SLCO1A2: variants seen among roughly 807,000 people sequenced by gnomAD.
The protein encoded by SLCO1A2 is solute carrier organic anion transporter family member 1A2.
A neutral mutation model predicts 69.0 loss-of-function variants in SLCO1A2; 67 were observed. The ratio of observed to expected loss-of-function variants is 0.97; its 90% CI spans 0.80 to 1.19. SLCO1A2 has a LOEUF of 1.19. Ranked by LOEUF, SLCO1A2 falls within the 50% of genes most tolerant of loss-of-function variation. The probability of loss-of-function intolerance (pLI) is 0.00; values close to 1 mark genes in which losing one functional copy is unlikely to be tolerated. For missense variants in SLCO1A2, 787 were observed against 793.7 expected (o/e 0.99, Z 0.10); for synonymous variants, 260 against 265.9 (o/e 0.98, Z 0.22).
chr12:21,400,092 C>G (rs1941636603), upstream of SLCO1A2, among the ~76,000 whole-genome samples: 1 of 151,784 alleles, frequency 6.6e-6, no homozygotes, highest in South Asian at 2.1e-4. Context: ...AACAGGCAAC[C>G]TACAAAATGG....
At chr12:21,293,788 T>C (rs1947283357) in intron 11 of SLCO1A2, among the ~76,000 whole-genome samples, 157 bp downstream of exon 11, 1 of 152,080 alleles carries the variant, frequency 6.6e-6, no homozygotes, top group Admixed American at 6.6e-5. Flanking sequence ...AAATAAAAGG[T>C]AATCAAGTGA....
At chr12:21,361,012 C>G (rs1938819503) in intron 2 of SLCO1A2, among the ~76,000 whole-genome samples, 1 of 152,220 alleles carries the variant, frequency 6.6e-6, no homozygotes, top group South Asian at 2.1e-4. Context: ...TTAAACATCC[C>G]TGTCTGACAG....
chr12:21,306,882 C>A lies in SLCO1A2; in HGVS notation c.442G>T (p.Glu148Ter), dbSNP rs1949476975. 1.9e-6 allele frequency: 3 copies of A among 1,610,056 alleles called. No individual in the cohort carries two copies. The highest frequency in any genetic ancestry group is 2.5e-6 in the Non-Finnish European group (3 of 1,176,644). The change falls in exon 5 of 15, where the codon GAG becomes TAG. Residue 148 changes from glutamate (E) to a stop codon, truncating the protein, a stop_gained and splice_region_variant. Transcript: ENST00000683939. LOFTEE classifies it high-confidence loss of function. ...QILRPTQDPS[E>*]CTKEVKSLMW... ...AAATCAATACAATGAAGTAGACAAC[C>A]TGATGGATCCTGCGTTGGTCTTAAA...
intron 2 of SLCO1A2, among the ~76,000 whole-genome samples, chr12:21,327,665 C>G (rs1952341387): frequency 6.6e-6 from 1 of 152,128 alleles, no homozygotes; most frequent in Non-Finnish European, 1.5e-5. Flanking sequence ...TGCATGGGGC[C>G]TCCATCTTCT....
chr12:21,292,176 A>G lies in SLCO1A2; in HGVS notation c.1598T>C (p.Met533Thr). ...AATAATTTTGTACCTCAAGAGAACC[A>G]TATATCCAGGTATGGCAGCCAAAGA... ...IYSLAAIPGY[M>T]VLLRCMKSEE... Residue 533 changes from methionine (M) to threonine (T), a missense_variant, in exon 12 of 15, where the codon ATG (methionine) becomes ACG (threonine). Transcript: ENST00000683939. The G allele has an allele frequency of 1.3e-6, 2 of 1,597,224 alleles. No individual in the cohort carries two copies. The highest frequency in any genetic ancestry group is 1.7e-6 in the Non-Finnish European group (2 of 1,171,782).
At chr12:21,293,566 A>AAT (rs550783098) in intron 11 of SLCO1A2, among the ~76,000 whole-genome samples, 4 of 104,808 alleles carry the variant, frequency 3.8e-5, no homozygotes, top group South Asian at 2.6e-4. Flanking sequence ...TACACAGAAA[A>AAT]ATATATATAT....
At chr12:21,340,381 A>G (rs1381901169) in intron 2 of SLCO1A2, among the ~76,000 whole-genome samples, 6 of 152,062 alleles carry the variant, frequency 3.9e-5, no homozygotes, top group Non-Finnish European at 8.8e-5. Flanking sequence ...TTTGTTACCA[A>G]TGCTTCAGCA....
chr12:21,366,524 C>T (rs11614319), intron 2 of SLCO1A2, among the ~76,000 whole-genome samples: 1 of 151,692 alleles, frequency 6.6e-6, no homozygotes, highest in Non-Finnish European at 1.5e-5. Flanking sequence ...TGCACATGTA[C>T]CCTAGAACCT....
chr12:21,411,867 G>A (rs1178774450), intron 1 of SLCO1A2, among the ~76,000 whole-genome samples: 2 of 151,668 alleles, frequency 1.3e-5, no homozygotes, highest in Non-Finnish European at 2.9e-5. Flanking sequence ...GCATTTTTTT[G>A]TAGAGACGGG....
chr12:21,375,812 G>C (rs1283158019), intron 1 of SLCO1A2, among the ~76,000 whole-genome samples: 1 of 152,168 alleles, frequency 6.6e-6, no homozygotes, highest in Non-Finnish European at 1.5e-5. Context: ...CTCTCTTAAA[G>C]TCAAGAATTT....
intron 3 of SLCO1A2, among the ~76,000 whole-genome samples, chr12:21,316,468 G>T (rs1950876974): frequency 1.3e-5 from 2 of 151,328 alleles, no homozygotes; most frequent in Non-Finnish European, 2.9e-5. Context: ...AAGATCATCA[G>T]TTATCTCCAT....
chr12:21,375,771 A>T (rs1168269621), intron 1 of SLCO1A2, among the ~76,000 whole-genome samples: 3 of 152,216 alleles, frequency 2.0e-5, no homozygotes, highest in African/African-American at 7.2e-5. Context: ...TTTAAGAGTT[A>T]TACTTTGGCT....
Position 21,282,039 on chromosome 12 carries a change from CAGAAG to C in SLCO1A2, c.1611-6620_1611-6616del, listed in dbSNP as rs766517911. On this transcript the variant is annotated intron_variant, in intron 12 of 14. Transcript: ENST00000683939. ...AATATACTCAAACTATTCTGAAAAA[CAGAAG>C]AGGAGAGAAGCCTTCCAAACTCATT... 3.3e-5 allele frequency among the ~76,000 whole-genome samples: 5 copies of C among 149,400 alleles called. No individual in the cohort carries two copies. The South Asian group carries it at 6.3e-4, about 19-fold the overall frequency.
chr12:21,365,569 CT>C (rs1474999344), intron 2 of SLCO1A2, among the ~76,000 whole-genome samples: 1 of 152,154 alleles, frequency 6.6e-6, no homozygotes, highest in Non-Finnish European at 1.5e-5. Context: ...AACTAAAGAG[CT>C]TCTGCACATC....
chr12:21,360,402 C>T (rs1938744480), intron 2 of SLCO1A2, among the ~76,000 whole-genome samples: 1 of 152,118 alleles, frequency 6.6e-6, no homozygotes, highest in African/African-American at 2.4e-5. Flanking sequence ...TTAAAGAAAG[C>T]TCCAATAAGA....
chr12:21,330,508 CA>C (rs960366154), intron 2 of SLCO1A2, among the ~76,000 whole-genome samples: 3 of 150,334 alleles, frequency 2.0e-5, no homozygotes, highest in Non-Finnish European at 4.4e-5. Context: ...GGCCCTGCCT[CA>C]AAAAAAATAA....
upstream of SLCO1A2, among the ~76,000 whole-genome samples, chr12:21,337,446 C>T (rs917594471): frequency 2.0e-5 from 3 of 151,730 alleles, no homozygotes; most frequent in Non-Finnish European, 2.9e-5. Flanking sequence ...TCTCTACTCT[C>T]AAATTAATGA....
intron 14 of SLCO1A2, among the ~76,000 whole-genome samples, chr12:21,273,783 T>A (rs1361367836): frequency 2.6e-5 from 4 of 152,186 alleles, no homozygotes; most frequent in Non-Finnish European, 5.9e-5. Context: ...TACTTCTTGA[T>A]ATGTGTCCTT....
chr12:21,285,209 T>A (rs1945527878), intron 12 of SLCO1A2, among the ~76,000 whole-genome samples: 1 of 151,320 alleles, frequency 6.6e-6, no homozygotes, highest in Non-Finnish European at 1.5e-5. Context: ...CAAACTACCA[T>A]CAGAGAATAC....
Sources: gnomAD v4.1 joint callset for allele counts (sites outside exome capture counted in the v4.1 genomes callset) on GRCh38, gnomAD v4.1.1 for gene constraint, MANE v1.5 for transcripts, NCBI Gene and HGNC (gene_info 2026-07-23, HGNC 2026-07-21) for gene names.